The following PHC1 variants were observed in gnomAD, a reference collection of about 807,000 sequenced individuals.
PHC1 encodes the protein polyhomeotic-like protein 1.
PHC1 carries 12 observed loss-of-function variants against 104.3 expected under a neutral mutation model. The ratio of observed to expected loss-of-function variants is 0.12; its 90% CI spans 0.07 to 0.19. The LOEUF is 0.19. Ranked by LOEUF, PHC1 falls within the 10% of genes least tolerant of loss-of-function variation. PHC1 has a pLI of 1.00. For missense variants in PHC1, 671 were observed against 1,200.0 expected, an observed-to-expected ratio of 0.56 and a Z score of 6.51; for synonymous variants, 302 against 455.8, an observed-to-expected ratio of 0.66 and a Z score of 4.30.
chr12:8,929,934 G>T (rs1945633417), intron 6 of PHC1, among the ~76,000 whole-genome samples: 1 of 152,140 alleles, frequency 6.6e-6, no homozygotes, highest in Admixed American at 6.5e-5. Flanking sequence ...GTTTTAGGAA[G>T]CCCTTCCTTG....
rs751487856 is a variant in PHC1 at position 8,932,559 on chromosome 12, A to G, written c.1106-4A>G. ...TCTGTTGTATTCTGGGATTGTTCCT[A>G]TAGCCACCTACACACAGATCCAGCC... On this transcript the variant is annotated splice_region_variant and splice_polypyrimidine_tract_variant and intron_variant, in intron 7 of 14. Coordinates refer to ENST00000544916, the MANE Select transcript of PHC1 (RefSeq NM_004426.3). 1.9e-6 allele frequency: 3 copies of G among 1,612,474 alleles called. No homozygotes were observed. Among genetic ancestry groups the G allele is most frequent in the Non-Finnish European group, 2.5e-6 (3 of 1,178,832 alleles).
chr12:8,923,994 A>T (rs1458136132), intron 6 of PHC1, among the ~76,000 whole-genome samples: 1 of 152,212 alleles, frequency 6.6e-6, no homozygotes, highest in Non-Finnish European at 1.5e-5. Flanking sequence ...GTATGGGAAG[A>T]TGTGCTATGT....
intron 5 of PHC1, 21 bp from the exon 6 acceptor site, chr12:8,922,612 T>G: frequency 6.4e-7 from 1 of 1,554,056 alleles, no homozygotes; most frequent in Non-Finnish European, 8.7e-7. Flanking sequence ...TCTTTGCTCT[T>G]CCTCTTCCTC....
intron 10 of PHC1, among the ~76,000 whole-genome samples, chr12:8,934,914 T>C (rs2137124955): frequency 6.6e-6 from 1 of 152,104 alleles, no homozygotes; most frequent in South Asian, 2.1e-4. Context: ...AAAAAGCCAG[T>C]TACTATTTTT....
chr12:8,936,241 G>T (rs1470725933), intron 11 of PHC1, among the ~76,000 whole-genome samples: 2 of 152,148 alleles, frequency 1.3e-5, no homozygotes, highest in Admixed American at 6.5e-5. Flanking sequence ...AATTAACTGG[G>T]CATTGTGGCA....
rs750575930 is a variant in PHC1, at chr12:8,935,125, T to G, written c.2255T>G (p.Val752Gly). 3.9e-6 allele frequency: 6 copies of G among 1,534,402 alleles called. No homozygotes were observed. Residue 752 changes from valine to glycine, a missense_variant and splice_region_variant, in exon 11 of 15, where the codon GTG becomes GGG. Physicochemically the swap from Val to Gly is moderately radical, Grantham distance 109. Transcript: ENST00000544916. ...AACTCTCAATGTTTTCTGGGACAGGTGGGTTGTTCTCAGTTACTGAAGGAG... is the reference window on the plus strand; with the variant it reads ...AACTCTCAATGTTTTCTGGGACAGGGGGGTTGTTCTCAGTTACTGAAGGAG... ...VIQEGAEPFPVGCSQLLKESE... is the reference protein window; with the variant it reads ...VIQEGAEPFPGGCSQLLKESE...
At chr12:8,928,188 G>A (rs889015650) in intron 6 of PHC1, among the ~76,000 whole-genome samples, 5 of 152,008 alleles carry the variant, frequency 3.3e-5, no homozygotes, top group Non-Finnish European at 7.4e-5. Context: ...GATTATAGGC[G>A]TGAGCCACTG....
intron 1 of PHC1, among the ~76,000 whole-genome samples, chr12:8,917,260 A>C (rs1945229503): frequency 6.6e-6 from 1 of 152,244 alleles, no homozygotes; most frequent in Non-Finnish European, 1.5e-5. Flanking sequence ...ATGGAGACAA[A>C]AATGAGATAA....
At chr12:8,938,445 CT>C (rs11399108) in intron 14 of PHC1, among the ~76,000 whole-genome samples, 225 of 142,108 alleles carry the variant, frequency 1.6e-3, no homozygotes, top group Non-Finnish European at 1.7e-3. Flanking sequence ...TGCTAGTCTT[CT>C]TTTTTTTTTT....
chr12:8,933,798 A>C, intron 8 of PHC1, 67 bp from the exon 9 acceptor site: 1 of 1,363,474 alleles, frequency 7.3e-7, no homozygotes, highest in South Asian at 1.3e-5. Flanking sequence ...ACATATGGTA[A>C]TAATTGTGGT....
chr12:8,934,130 A>G (rs1945768592), intron 9 of PHC1, 118 bp downstream of exon 9: 2 of 1,349,158 alleles, frequency 1.5e-6, no homozygotes, highest in Non-Finnish European at 2.1e-6. Context: ...GGACAAATGA[A>G]TAGATCCAAA....
chr12:8,922,952 C>G (rs1323072228), intron 6 of PHC1, among the ~76,000 whole-genome samples, 164 bp downstream of exon 6: 1 of 152,160 alleles, frequency 6.6e-6, no homozygotes, highest in Admixed American at 6.5e-5. Context: ...TCCCATATAA[C>G]CTTTGAGTTA....
At position 8,933,970 on chromosome 12, in the gene PHC1, G is replaced by A; in HGVS notation, c.1999G>A (p.Ala667Thr). 6.2e-7 allele frequency: 1 copy of A among 1,614,026 alleles called. No individual in the cohort carries two copies. Among genetic ancestry groups the A allele is most frequent in the Non-Finnish European group, 8.5e-7 (1 of 1,179,886 alleles). ...SMLPAKASPV[A>T]ESPKVMDEKS... ...GCTTCCTGCCAAGGCATCTCCAGTA[G>A]CAGAAAGCCCAAAAGTCATGGACGA... Residue 667 changes from alanine (A) to threonine (T), a missense_variant, in exon 9 of 15, where the codon GCA becomes ACA. Ala to Thr is a moderately conservative substitution (Grantham distance 58, BLOSUM62 0). Around this residue, in one of 9 missense-constraint regions of PHC1, gnomAD observed 95 missense variants for 108.8 expected, o/e 0.87. Coordinates refer to ENST00000544916, the MANE Select transcript of PHC1 (RefSeq NM_004426.3).
Position 8,919,318 on chromosome 12 carries a change from C to T in PHC1, c.115-438C>T, listed in dbSNP as rs1411549311. ...TCAGGTGATCTGCCCTCCTAGGCCT[C>T]CCAAAGTGCTGGGATTACAGGCAGG... On this transcript the variant is annotated intron_variant, in intron 2 of 14. Transcript: ENST00000544916. This position sits in a 1 kb window ranked among gnomAD's most constrained non-coding sequence, Gnocchi z 4.9. Among the ~76,000 whole-genome samples the T allele has an allele frequency of 1.3e-5, 2 of 152,118 alleles. No individual in the cohort carries two copies. The highest frequency in any genetic ancestry group is 2.9e-5 in the Non-Finnish European group (2 of 68,022).
rs1945368442 is a variant in PHC1 at position 8,921,679 on chromosome 12, A to G, written c.385A>G (p.Thr129Ala). 2 of 1,613,390 alleles carry G rather than the reference A, an allele frequency of 1.2e-6. No individual in the cohort carries two copies. Reference sequence around the variant, plus strand: ...GAGCTCTCCCAGTGCTACCACCTTGACCCAATCTGTGCTACTGGGGAACAC... The same window carrying G: ...GAGCTCTCCCAGTGCTACCACCTTGGCCCAATCTGTGCTACTGGGGAACAC... ...SVSSPSATTL[T>A]QSVLLGNTTS... is the part of the protein sequence containing the mutation. Residue 129 changes from threonine to alanine, a missense_variant, in exon 5 of 15, where the codon ACC becomes GCC. By Grantham distance (58) the Thr-to-Ala change is moderately conservative. Transcript: ENST00000544916.
At chr12:8,934,871 G>A (rs1001248544) in intron 10 of PHC1, among the ~76,000 whole-genome samples, 10 of 152,054 alleles carry the variant, frequency 6.6e-5, no homozygotes, top group East Asian at 1.9e-4. Flanking sequence ...GGGAGCCAGC[G>A]TAGGAACCTG....
At chr12:8,938,997 T>C (rs1020289210) in intron 14 of PHC1, among the ~76,000 whole-genome samples, 16 of 152,304 alleles carry the variant, frequency 1.1e-4, no homozygotes, top group Admixed American at 9.8e-4. Flanking sequence ...AGCTGATTTT[T>C]GTATGTTTTG....
chr12:8,933,462 T>C (rs1415396022), intron 8 of PHC1, 112 bp downstream of exon 8: 6 of 1,269,676 alleles, frequency 4.7e-6, no homozygotes, highest in East Asian at 2.6e-5. Flanking sequence ...AGGGTTAATA[T>C]TGGTATTTAT....
At chr12:8,932,485 G>GATTTA in intron 7 of PHC1, 78 bp from the exon 8 acceptor site, 1 of 1,491,796 alleles carries the variant, frequency 6.7e-7, no homozygotes, top group Non-Finnish European at 9.2e-7. Context: ...TTGGAAAAAT[G>GATTTA]AATTTACTTT....
Sources: gnomAD v4.1 joint callset for allele counts (sites outside exome capture counted in the v4.1 genomes callset) on GRCh38, gnomAD v4.1.1 for gene constraint, gnomAD v4.1.1 regional missense constraint, Gnocchi (gnomAD v3.1) non-coding constraint, MANE v1.5 for transcripts, NCBI Gene and HGNC (gene_info 2026-07-23, HGNC 2026-07-21) for gene names.